Variants in GPC5 observed in about 807,000 individuals in gnomAD.
GPC5 encodes the protein glypican 5.
GPC5 carries 47 observed loss-of-function variants against 53.9 expected under a neutral mutation model. The observed-to-expected ratio is 0.87, with a 90% CI of 0.69 to 1.11. The LOEUF is 1.11. Ranked by LOEUF, GPC5 falls within the 50% of genes most tolerant of loss-of-function variation. The pLI, the probability that GPC5 is intolerant of heterozygous loss-of-function variation, is 0.00. For missense variants in GPC5, 748 were observed against 713.1 expected (o/e 1.05, Z -0.56); for synonymous variants, 286 against 263.3 (o/e 1.09, Z -0.84).
At chr13:92,566,652 T>C (rs1815396778) in intron 7 of GPC5, among the ~76,000 whole-genome samples, 1 of 152,082 alleles carries the variant, frequency 6.6e-6, no homozygotes, top group African/African-American at 2.4e-5. Flanking sequence ...GTGTTATGGT[T>C]TGGTCTTCTG....
At chr13:92,137,396 CA>C (rs1346577141) in intron 6 of GPC5, among the ~76,000 whole-genome samples, 1 of 152,176 alleles carries the variant, frequency 6.6e-6, no homozygotes, top group African/African-American at 2.4e-5. Context: ...ACGCAAATGA[CA>C]GAGTCAAGGC....
intron 7 of GPC5, among the ~76,000 whole-genome samples, chr13:92,512,356 C>T (rs1301245488): frequency 6.6e-6 from 1 of 152,086 alleles, no homozygotes; most frequent in African/African-American, 2.4e-5. Flanking sequence ...GGAGAAGCTA[C>T]AGAAGGAACA....
At chr13:92,635,105 C>G (rs188072381) in intron 7 of GPC5, among the ~76,000 whole-genome samples, 67 of 151,692 alleles carry the variant, frequency 4.4e-4, no homozygotes, top group Middle Eastern at 3.4e-3. Context: ...ACAGATAAAC[C>G]TTTTATCTGA....
chr13:92,275,205 C>A (rs1445137218), intron 7 of GPC5, among the ~76,000 whole-genome samples: 4 of 152,040 alleles, frequency 2.6e-5, no homozygotes, highest in Admixed American at 2.0e-4. Flanking sequence ...TTAATTGATT[C>A]ATTAAAACCC....
intron 7 of GPC5, among the ~76,000 whole-genome samples, chr13:92,751,787 AGG>A (rs1356926927): frequency 3.4e-4 from 52 of 152,292 alleles, no homozygotes; most frequent in Admixed American, 2.3e-3. Flanking sequence ...TTAGCGTATG[AGG>A]GACATGACTT....
At chr13:92,410,485 A>T (rs761110250) in intron 7 of GPC5, among the ~76,000 whole-genome samples, 3 of 152,210 alleles carry the variant, frequency 2.0e-5, no homozygotes, top group Non-Finnish European at 4.4e-5. Context: ...AGGGAACTAG[A>T]TGTTAATTTA....
intron 5 of GPC5, among the ~76,000 whole-genome samples, chr13:91,899,933 T>C (rs1682472374): frequency 1.3e-5 from 2 of 152,098 alleles, no homozygotes; most frequent in Admixed American, 6.6e-5. Context: ...TTGTGATAAT[T>C]AGGTATGATG....
intron 2 of GPC5, among the ~76,000 whole-genome samples, chr13:91,591,145 C>T (rs1000309815): frequency 4.6e-5 from 7 of 152,170 alleles, no homozygotes; most frequent in Admixed American, 6.5e-5. Flanking sequence ...CATGTTCTTT[C>T]GGTCAACCTT....
intron 7 of GPC5, among the ~76,000 whole-genome samples, chr13:92,225,848 A>G (rs1268938359): frequency 6.6e-6 from 1 of 151,996 alleles, no homozygotes; most frequent in East Asian, 1.9e-4. Flanking sequence ...ACTGGTAACT[A>G]TGAGGCATTA....
At chr13:92,666,946 G>A (rs1886590708) in intron 7 of GPC5, among the ~76,000 whole-genome samples, 1 of 152,052 alleles carries the variant, frequency 6.6e-6, no homozygotes, top group Non-Finnish European at 1.5e-5. Flanking sequence ...TCGGCATTTG[G>A]TTCTATTCCA....
intron 7 of GPC5, among the ~76,000 whole-genome samples, chr13:92,751,542 A>G (rs1203771419): frequency 7.6e-6 from 1 of 131,884 alleles, no homozygotes. Flanking sequence ...GTAACACATG[A>G]GTCTTGGTCC....
At chr13:91,411,076 T>C (rs569660130) in intron 1 of GPC5, among the ~76,000 whole-genome samples, 157 of 152,298 alleles carry the variant, frequency 1.0e-3, no homozygotes, top group Non-Finnish European at 1.8e-3. Context: ...GCCACTGCAC[T>C]CCAGCCTGGC....
chr13:92,788,480 A>C (rs774219030), intron 7 of GPC5, among the ~76,000 whole-genome samples: 6 of 152,210 alleles, frequency 3.9e-5, no homozygotes, highest in Non-Finnish European at 8.8e-5. Flanking sequence ...ATCATCATAG[A>C]AATCACATAT....
Position 91,563,890 on chromosome 13 carries a change from G to A in GPC5, c.325+114968G>A, listed in dbSNP as rs573558523. Reference sequence around the variant, plus strand: ...GCCAGCCTCCTCCCGGAGGACCGGGGAGGAGGGTCTTACTAGTGTTCCAGC... The same window carrying A: ...GCCAGCCTCCTCCCGGAGGACCGGGAAGGAGGGTCTTACTAGTGTTCCAGC... On this transcript the variant is annotated intron_variant, in intron 2 of 7. Transcript: ENST00000377067. Among the ~76,000 whole-genome samples, 7 of 152,122 alleles carry A rather than the reference G, an allele frequency of 4.6e-5. No individual in the cohort carries two copies. In the East Asian group the frequency reaches 1.2e-3, roughly 25 times the overall value.
chr13:92,182,876 G>GAAA lies in GPC5; in HGVS notation c.1561+37899_1561+37901dup, dbSNP rs1555317199. On this transcript the variant is annotated intron_variant, in intron 7 of 7. Transcript: ENST00000377067. ...AGAGCGAGACTCCGTCTCAAAAAAA[G>GAAA]AAAAAAAAAAAAAAGTAAACATTTT... Among the ~76,000 whole-genome samples, 177 of 111,718 alleles carry GAAA rather than the reference G, an allele frequency of 1.6e-3. 1 individual carries two copies. The highest frequency in any genetic ancestry group is 4.6e-3 in the African/African-American group (167 of 36,346). 73.3% of individuals were successfully genotyped at this position (111,718 alleles called of 152,430 possible). A position where few individuals can be genotyped will look rare whatever the true frequency, so the allele number is the denominator to read the frequency against.
At chr13:91,429,850 T>C (rs1201231429) in intron 1 of GPC5, among the ~76,000 whole-genome samples, 1 of 152,334 alleles carries the variant, frequency 6.6e-6, no homozygotes, top group African/African-American at 2.4e-5. Context: ...ATGGTTATGA[T>C]GGAAGTATCC....
intron 7 of GPC5, among the ~76,000 whole-genome samples, chr13:92,553,265 A>G (rs1882381907): frequency 6.6e-6 from 1 of 151,946 alleles, no homozygotes; most frequent in African/African-American, 2.4e-5. Context: ...TCTCTAGCCC[A>G]TTATCAAACC....
intron 7 of GPC5, among the ~76,000 whole-genome samples, chr13:92,747,973 A>G (rs1889279978): frequency 6.6e-6 from 1 of 152,198 alleles, no homozygotes; most frequent in Non-Finnish European, 1.5e-5. Context: ...ATACATATAT[A>G]TGTACATTTA....
At chr13:91,526,751 A>C (rs1886104231) in intron 2 of GPC5, among the ~76,000 whole-genome samples, 1 of 152,196 alleles carries the variant, frequency 6.6e-6, no homozygotes, top group Non-Finnish European at 1.5e-5. Flanking sequence ...TTTATGAAGA[A>C]AAGAGATGTA....
Sources: allele counts gnomAD v4.1 joint callset (sites outside exome capture counted in the v4.1 genomes callset), GRCh38; gene constraint gnomAD v4.1.1; transcripts MANE v1.5; gene names NCBI Gene and HGNC (gene_info 2026-07-23, HGNC 2026-07-21).